AFAP1L2: variants seen among roughly 807,000 people sequenced by gnomAD.
The protein encoded by AFAP1L2 is actin filament-associated protein 1-like 2.
Under a neutral mutation model 99.3 loss-of-function variants are expected in AFAP1L2, and 46 were observed. The observed-to-expected ratio is 0.46, with a 90% CI of 0.37 to 0.59. The LOEUF is 0.59. Ranked by LOEUF, AFAP1L2 falls within the 20% of genes least tolerant of loss-of-function variation. The probability of loss-of-function intolerance (pLI) is 0.00; values close to 1 mark genes in which losing one functional copy is unlikely to be tolerated. For missense variants in AFAP1L2, 959 were observed against 1,034.9 expected, an observed-to-expected ratio of 0.93 and a Z score of 1.01; for synonymous variants, 397 against 419.1, an observed-to-expected ratio of 0.95 and a Z score of 0.64.
intron 2 of AFAP1L2, 147 bp from the exon 3 acceptor site, chr10:114,333,442 C>A: frequency 3.1e-6 from 2 of 641,572 alleles, no homozygotes; most frequent in Admixed American, 5.5e-5. Context: ...AAGAATAGTC[C>A]AACATGCAAA....
intron 1 of AFAP1L2, among the ~76,000 whole-genome samples, chr10:114,347,577 G>A (rs559261716): frequency 6.6e-6 from 1 of 152,232 alleles, no homozygotes; most frequent in African/African-American, 2.4e-5. Flanking sequence ...CCAGACTCAA[G>A]TGAGTCTCCT....
chr10:114,402,874 G>C (rs1437450455), intron 1 of AFAP1L2, among the ~76,000 whole-genome samples: 1 of 151,952 alleles, frequency 6.6e-6, no homozygotes, highest in African/African-American at 2.4e-5. Flanking sequence ...CCCCAGCTTT[G>C]CAAGTCAGGG....
chr10:114,393,501 A>G (rs746207272), intron 1 of AFAP1L2: 20 of 152,222 alleles, frequency 1.3e-4, no homozygotes, highest in Non-Finnish European at 2.6e-4. Context: ...TCAGAAAAGC[A>G]AAAATCCACA....
At chr10:114,281,787 T>G in the AFAP1L2 span, 7 of 980,190 alleles carry the variant, frequency 7.1e-6, no homozygotes, top group Non-Finnish European at 8.5e-6. Context: ...AGGAATACAG[T>G]TGAAAAGTGA....
chr10:114,324,203 G>A (rs1005755554), intron 4 of AFAP1L2, among the ~76,000 whole-genome samples: 7 of 152,196 alleles, frequency 4.6e-5, no homozygotes, highest in African/African-American at 1.4e-4. Context: ...ATGACAGACA[G>A]GTCGTGAATG....
At chr10:114,389,809 A>G (rs2056924075) in intron 1 of AFAP1L2, among the ~76,000 whole-genome samples, 2 of 152,232 alleles carry the variant, frequency 1.3e-5, no homozygotes, top group African/African-American at 4.8e-5. Flanking sequence ...TGGACAGTCC[A>G]GAAATTAATA....
chr10:114,307,692 G>A (rs1451188349), intron 10 of AFAP1L2, 113 bp downstream of exon 10: 2 of 822,716 alleles, frequency 2.4e-6, no homozygotes, highest in Non-Finnish European at 4.0e-6. Context: ...TCCATTCCTA[G>A]AGATGTTTAC....
chr10:114,288,128 C>T, the AFAP1L2 span, among the ~76,000 whole-genome samples: 1 of 152,170 alleles, frequency 6.6e-6, no homozygotes. Context: ...TGGCCTGGTC[C>T]CCACAGGCCT....
At chr10:114,356,580 A>G (rs2051424821) in intron 1 of AFAP1L2, among the ~76,000 whole-genome samples, 1 of 152,224 alleles carries the variant, frequency 6.6e-6, no homozygotes, top group Non-Finnish European at 1.5e-5. Context: ...TGTGTTTTAA[A>G]TTTTATTTCT....
In AFAP1L2 at chr10:114,297,129, G is replaced by A. The variant is rs774521874; in HGVS notation, c.2308-29C>T. 5.0e-6 allele frequency: 8 copies of A among 1,612,838 alleles called. No individual in the cohort carries two copies. In the Admixed American group the frequency reaches 1.2e-4, roughly 24 times the overall value. On this transcript the variant is annotated intron_variant, in intron 17 of 18. Transcript: ENST00000304129. Reference sequence around the variant, plus strand: ...TGGTTATAGGAGGAGAGCAAGGGCTGAGTCAAGGGGAGGGAGATGTGACCC... The same window carrying A: ...TGGTTATAGGAGGAGAGCAAGGGCTAAGTCAAGGGGAGGGAGATGTGACCC...
At chr10:114,382,639 G>C (rs1409949598) in intron 1 of AFAP1L2, among the ~76,000 whole-genome samples, 2 of 127,918 alleles carry the variant, frequency 1.6e-5, no homozygotes, top group African/African-American at 6.1e-5. Context: ...TGTTGCCCAG[G>C]CTGGAGTGCA....
chr10:114,386,326 A>G (rs2056495515), intron 1 of AFAP1L2, among the ~76,000 whole-genome samples: 1 of 152,202 alleles, frequency 6.6e-6, no homozygotes, highest in Non-Finnish European at 1.5e-5. Flanking sequence ...GCTTGAGCCC[A>G]GGATGTCAAG....
intron 15 of AFAP1L2, 119 bp downstream of exon 15, chr10:114,300,075 G>A: frequency 2.2e-6 from 3 of 1,386,478 alleles, no homozygotes; most frequent in Non-Finnish European, 2.9e-6. Context: ...GTGATCGTGT[G>A]AGTCAATTCT....
intron 5 of AFAP1L2, chr10:114,319,758 C>G: frequency 1.5e-6 from 1 of 665,182 alleles, no homozygotes; most frequent in Middle Eastern, 3.3e-4. Context: ...GGCAACTCGG[C>G]TGCCAGTCCA....
rs766194639 is a variant in AFAP1L2, at chr10:114,331,792, C to G, written c.315+11G>C. The G allele has an allele frequency of 7.3e-7, 1 of 1,377,544 alleles. No homozygotes were observed. 85.3% of individuals were successfully genotyped at this position (1,377,544 alleles called of 1,614,324 possible). The stretch of plus-strand genomic sequence containing the variant: ...CGTCAGGGAAATCAGGGGTCCTGAA[C>G]TGATGCTTACCATCTTGGGTGGCGG... On this transcript the variant is annotated intron_variant, in intron 4 of 18. Coordinates refer to ENST00000304129, the MANE Select transcript of AFAP1L2 (RefSeq NM_001001936.3).
downstream of AFAP1L2, chr10:114,290,491 T>G (rs1219512808): frequency 7.3e-7 from 1 of 1,360,766 alleles, no homozygotes; most frequent in Admixed American, 2.2e-5. Context: ...ATTCAGTCGT[T>G]TACCCACGAA....
intron 5 of AFAP1L2, among the ~76,000 whole-genome samples, chr10:114,321,135 T>G (rs1053901557): frequency 2.0e-5 from 3 of 152,180 alleles, no homozygotes; most frequent in Admixed American, 2.0e-4. Flanking sequence ...CTTTTTATTT[T>G]TATTTCAATA....
rs960022203 is a variant in AFAP1L2 at position 114,341,024 on chromosome 10, A to G, written c.17-293T>C. On this transcript the variant is annotated intron_variant, in intron 1 of 18. Coordinates refer to ENST00000304129, the MANE Select transcript of AFAP1L2 (RefSeq NM_001001936.3). Reference sequence around the variant, plus strand: ...CAACGGCCTCGTCGGCCAACTTTCTATCTCCTCCACTGCAAACGCCTGCCC... The same window carrying G: ...CAACGGCCTCGTCGGCCAACTTTCTGTCTCCTCCACTGCAAACGCCTGCCC... Among the ~76,000 whole-genome samples the G allele has an allele frequency of 2.0e-5, 3 of 152,328 alleles. No homozygotes were observed. The East Asian group carries it at 5.8e-4, about 29-fold the overall frequency.
chr10:114,293,637 A>C (rs2039805778), downstream of AFAP1L2, among the ~76,000 whole-genome samples: 3 of 152,214 alleles, frequency 2.0e-5, no homozygotes, highest in Admixed American at 2.0e-4. Context: ...TTACTTATTC[A>C]AATAAGACAG....
Sources: allele counts gnomAD v4.1 joint callset (sites outside exome capture counted in the v4.1 genomes callset), GRCh38; gene constraint gnomAD v4.1.1; transcripts MANE v1.5; gene names NCBI Gene and HGNC (gene_info 2026-07-23, HGNC 2026-07-21).